Variants in NPR1 observed in about 807,000 individuals in gnomAD.
NPR1 encodes atrial natriuretic peptide receptor 1.
NPR1 carries 57 observed loss-of-function variants against 116.9 expected under a neutral mutation model. The ratio of observed to expected loss-of-function variants is 0.49; its 90% CI spans 0.39 to 0.61. NPR1 has a LOEUF of 0.61. NPR1 is among the 20% of genes least tolerant of loss of function. The probability of loss-of-function intolerance (pLI) is 0.00; values close to 1 mark genes in which losing one functional copy is unlikely to be tolerated. For missense variants in NPR1, 1,096 were observed against 1,409.8 expected, an observed-to-expected ratio of 0.78 and a Z score of 3.56; for synonymous variants, 555 against 601.6, an observed-to-expected ratio of 0.92 and a Z score of 1.13.
Position 153,693,866 on chromosome 1 carries a change from C to T in NPR1, c.*452C>T. On this transcript the variant is annotated 3_prime_UTR_variant, in exon 22 of 22. Coordinates refer to ENST00000368680, the MANE Select transcript of NPR1 (RefSeq NM_000906.4). Reference sequence around the variant, plus strand: ...GGGGCTGGCCCACAATACCTGCTCCCCCGACCCCCTCCACCCAGCAGTAGA... The same window carrying T: ...GGGGCTGGCCCACAATACCTGCTCCTCCGACCCCCTCCACCCAGCAGTAGA... The T allele has an allele frequency of 2.5e-6, 1 of 400,330 alleles. No homozygotes were observed. The highest frequency in any genetic ancestry group is 4.4e-6 in the Non-Finnish European group (1 of 227,570). The allele number at this position is 400,330 out of a possible 1,614,324, so 24.8% of individuals were successfully genotyped here. A position where few individuals can be genotyped will look rare whatever the true frequency, so the allele number is the denominator to read the frequency against.
In NPR1 at chr1:153,679,632, G is replaced by T. The variant is rs1389511532; in HGVS notation, c.524G>T (p.Arg175Leu). The T allele has an allele frequency of 5.0e-6, 8 of 1,596,408 alleles. No homozygotes were observed. Among genetic ancestry groups the T allele is most frequent in the South Asian group, 3.4e-5 (3 of 89,138 alleles). ...GACTTCGTGGCGGCGCTGCACCGACGGCTGGGCTGGGAGCGCCAAGCGCTC... is the reference window on the plus strand; with the variant it reads ...GACTTCGTGGCGGCGCTGCACCGACTGCTGGGCTGGGAGCGCCAAGCGCTC... ...LGDFVAALHR[R>L]LGWERQALML... The change falls in exon 1 of 22, where the codon CGG (arginine) becomes CTG (leucine). Residue 175 changes from arginine (R) to leucine (L), a missense_variant. By Grantham distance (102) the Arg-to-Leu change is moderately radical. Transcript: ENST00000368680. The surrounding 1 kb of genome is among the most constrained non-coding windows in gnomAD (Gnocchi z 4.2).
chr1:153,682,844 G>A (rs75927500), intron 5 of NPR1, among the ~76,000 whole-genome samples: 3,106 of 152,274 alleles, frequency 0.02, 104 homozygotes, highest in African/African-American at 0.071. Flanking sequence ...GGGGAGCTCC[G>A]AAGGGAGGCA....
Position 153,689,919 on chromosome 1 carries a change from C to T in NPR1, c.2871C>T (p.Arg957=), listed in dbSNP as rs1162336406. The T allele has an allele frequency of 1.3e-5, 20 of 1,558,944 alleles. No homozygotes were observed. The highest frequency in any genetic ancestry group is 1.7e-5 in the Non-Finnish European group (20 of 1,150,084). The change falls in exon 19 of 22, where the codon CGC becomes CGT. Residue 957 remains arginine, a synonymous_variant. Transcript: ENST00000368680. This position sits in a 1 kb window ranked among gnomAD's most constrained non-coding sequence, Gnocchi z 5.1. ...RMALALLDAV[R]SFRIRHRPQE... ...CCCTGGCACTGCTGGATGCTGTGCG[C>T]TCCTTCCGAATCCGCCACCGGCCCC...
At chr1:153,680,461 G>A (rs1183962130) in intron 1 of NPR1, 40 bp from the exon 2 acceptor site, 1 of 1,598,514 alleles carries the variant, frequency 6.3e-7, no homozygotes, top group South Asian at 1.1e-5. Context: ...CTCTCCCGCA[G>A]TACCTAGGCT....
At chr1:153,691,003 G>A (rs1670096514) in intron 20 of NPR1, among the ~76,000 whole-genome samples, 1 of 150,054 alleles carries the variant, frequency 6.7e-6, no homozygotes, top group Admixed American at 6.7e-5. Context: ...TGGTAAAGAT[G>A]GCTTCAGAGC....
At chr1:153,682,300 T>A (rs577578010) in intron 4 of NPR1, among the ~76,000 whole-genome samples, 198 bp from the exon 5 acceptor site, 21 of 152,112 alleles carry the variant, frequency 1.4e-4, no homozygotes, top group Non-Finnish European at 2.8e-4. Context: ...CGTCAGGTGA[T>A]CTGCCCGCCT....
At chr1:153,687,980 A>G in intron 14 of NPR1, 73 bp from the exon 15 acceptor site, 1 of 1,185,676 alleles carries the variant, frequency 8.4e-7, no homozygotes. Flanking sequence ...CTGCCATCTC[A>G]GCTGGTTGCC....
Position 153,679,916 on chromosome 1 carries a change from C to G in NPR1, c.721+87C>G. ...GAGGCATCGGGACTTTCTCTCTCATCTGGGGGCACTCTTCTTTCTCCTCGC... is the reference window on the plus strand; with the variant it reads ...GAGGCATCGGGACTTTCTCTCTCATGTGGGGGCACTCTTCTTTCTCCTCGC... On this transcript the variant is annotated intron_variant, in intron 1 of 21. Coordinates refer to ENST00000368680, the MANE Select transcript of NPR1 (RefSeq NM_000906.4). This position sits in a 1 kb window ranked among gnomAD's most constrained non-coding sequence, Gnocchi z 4.2. 6.8e-7 allele frequency: 1 copy of G among 1,462,824 alleles called. No homozygotes were observed. The highest frequency in any genetic ancestry group is 9.1e-7 in the Non-Finnish European group (1 of 1,104,126). The allele number at this position is 1,462,824 out of a possible 1,614,324, so 90.6% of individuals were successfully genotyped here.
At chr1:153,692,987 G>A in intron 20 of NPR1, 119 bp from the exon 21 acceptor site, 1 of 801,520 alleles carries the variant, frequency 1.2e-6, no homozygotes, top group Non-Finnish European at 2.0e-6. Context: ...TGGCCCAAAA[G>A]AGGGAGAGAG....
In NPR1 at chr1:153,686,204, A is replaced by T; in HGVS notation, c.1758+4A>T. 6.2e-7 allele frequency: 1 copy of T among 1,613,858 alleles called. No individual in the cohort carries two copies. Among genetic ancestry groups the T allele is most frequent in the Non-Finnish European group, 8.5e-7 (1 of 1,179,818 alleles). On this transcript the variant is annotated splice_donor_region_variant and intron_variant, in intron 10 of 21. Coordinates refer to ENST00000368680, the MANE Select transcript of NPR1 (RefSeq NM_000906.4). ...AGTCCTGTTTGAACTGAAGCATGTAATGTGGGGAGTGAGGCAGTGGCATGG... is the reference window on the plus strand; with the variant it reads ...AGTCCTGTTTGAACTGAAGCATGTATTGTGGGGAGTGAGGCAGTGGCATGG...
intron 20 of NPR1, among the ~76,000 whole-genome samples, chr1:153,691,140 G>A (rs566110976): frequency 1.2e-4 from 18 of 152,190 alleles, no homozygotes; most frequent in Admixed American, 2.0e-4. Flanking sequence ...GGAATTATGT[G>A]AGAAACCCAT....
chr1:153,688,327 C>T (rs1045744074), intron 15 of NPR1, 106 bp downstream of exon 15: 4 of 1,151,344 alleles, frequency 3.5e-6, no homozygotes, highest in East Asian at 4.9e-5. Context: ...GGAGACCACT[C>T]ACCTCCTCCC....
Position 153,687,346 on chromosome 1 carries a change from C to G in NPR1, c.2082C>G (p.Thr694=), listed in dbSNP as rs1160495569. The G allele has an allele frequency of 6.2e-7, 1 of 1,614,010 alleles. No homozygotes were observed. The highest frequency in any genetic ancestry group is 8.5e-7 in the Non-Finnish European group (1 of 1,179,960). ...ACCTGGACCCAGAGCAAGGACACAC[C>G]GTTTATGCCAGTGAGCCTTGACTCT... The part of the protein sequence containing the change: ...FRDLDPEQGH[T]VYAKKLWTAP... Residue 694 remains threonine, a synonymous_variant, in exon 13 of 22, where the codon ACC becomes ACG. Transcript: ENST00000368680.
chr1:153,682,931 A>G (rs1669822252), intron 5 of NPR1, among the ~76,000 whole-genome samples: 1 of 152,234 alleles, frequency 6.6e-6, no homozygotes, highest in African/African-American at 2.4e-5. Context: ...CAGGGACAGG[A>G]AGGCGCTGAG....
chr1:153,688,117 T>G lies in NPR1; in HGVS notation c.2313T>G (p.Ser771Arg). Residue 771 changes from serine (S) to arginine (R), a missense_variant, in exon 15 of 22, where the codon AGT becomes AGG. Physicochemically the swap from Ser to Arg is moderately radical, Grantham distance 110. Coordinates refer to ENST00000368680, the MANE Select transcript of NPR1 (RefSeq NM_000906.4). ...PPFRPSLALQ[S>R]HLEELGLLMQ... ...TCCGGCCCTCCCTGGCCCTGCAGAG[T>G]CACCTGGAGGAGTTGGGGCTGCTCA... 6.2e-7 allele frequency: 1 copy of G among 1,612,900 alleles called. No homozygotes were observed. Among genetic ancestry groups the G allele is most frequent in the Non-Finnish European group, 8.5e-7 (1 of 1,179,478 alleles).
Position 153,689,431 on chromosome 1 carries a change from C to G in NPR1, c.2689-22C>G. The G allele has an allele frequency of 6.2e-7, 1 of 1,614,086 alleles. No individual in the cohort carries two copies. The highest frequency in any genetic ancestry group is 1.3e-5 in the African/African-American group (1 of 75,058). On this transcript the variant is annotated intron_variant, in intron 17 of 21. Transcript: ENST00000368680. The surrounding 1 kb of genome is among the most constrained non-coding windows in gnomAD (Gnocchi z 5.1). ...GTGGGGTCCCCTACTTCCTGTCTCT[C>G]TTAGCTTCTCTTCCCTTCCAGGTGG...
intron 5 of NPR1, 35 bp downstream of exon 5, chr1:153,682,624 C>G: frequency 2.0e-6 from 3 of 1,483,064 alleles, no homozygotes; most frequent in Non-Finnish European, 2.8e-6. Flanking sequence ...GTGCCAATTC[C>G]AAATGACATC....
At chr1:153,688,610 G>T (rs1449631823) in intron 15 of NPR1, 2 of 421,210 alleles carry the variant, frequency 4.7e-6, no homozygotes, top group East Asian at 4.2e-5. Flanking sequence ...TGCCCACCAG[G>T]CCCAGTTCCT....
At chr1:153,680,383 C>T in intron 1 of NPR1, 118 bp from the exon 2 acceptor site, 1 of 702,894 alleles carries the variant, frequency 1.4e-6, no homozygotes, top group Non-Finnish European at 2.3e-6. Flanking sequence ...ACTTAACTCT[C>T]ACTGGGTCTC....
Sources: allele counts gnomAD v4.1 joint callset (sites outside exome capture counted in the v4.1 genomes callset), GRCh38; gene constraint gnomAD v4.1.1; non-coding constraint Gnocchi (gnomAD v3.1); transcripts MANE v1.5; gene names NCBI Gene and HGNC (gene_info 2026-07-23, HGNC 2026-07-21).